The following NRG3 variants were observed in gnomAD, a reference collection of about 807,000 sequenced individuals.
NRG3 encodes pro-neuregulin-3, membrane-bound isoform.
A neutral mutation model predicts 66.9 loss-of-function variants in NRG3; 31 were observed. The observed-to-expected ratio is 0.46, with a 90% CI of 0.35 to 0.63. The LOEUF is 0.63. Among genes scored for constraint, NRG3 ranks in the 20% least tolerant of loss-of-function variants. NRG3 has a pLI of 0.00. For missense variants in NRG3, 910 were observed against 878.9 expected, an observed-to-expected ratio of 1.04 and a Z score of -0.45; for synonymous variants, 393 against 359.4, an observed-to-expected ratio of 1.09 and a Z score of -1.06.
At chr10:82,938,978 C>T (rs1479611240) in intron 4 of NRG3, among the ~76,000 whole-genome samples, 1 of 152,144 alleles carries the variant, frequency 6.6e-6, no homozygotes, top group African/African-American at 2.4e-5. Context: ...AACTCGGACA[C>T]CACAGACTGG....
intron 4 of NRG3, 82 bp downstream of exon 4, chr10:82,865,519 G>A (rs1840628654): frequency 7.2e-7 from 1 of 1,381,560 alleles, no homozygotes; most frequent in South Asian, 1.3e-5. Context: ...TCTCCATCTG[G>A]TTATAATTGA....
intron 2 of NRG3, among the ~76,000 whole-genome samples, chr10:82,453,950 T>C (rs1166875881): frequency 6.6e-6 from 1 of 152,104 alleles, no homozygotes; most frequent in East Asian, 1.9e-4. Context: ...AGTTCCACAG[T>C]GAGATAGTCA....
At chr10:82,377,457 T>TGTGTGTGTGC (rs57900993) in intron 2 of NRG3, among the ~76,000 whole-genome samples, 292 of 150,448 alleles carry the variant, frequency 1.9e-3, no homozygotes, top group African/African-American at 6.7e-3. Flanking sequence ...TGTGTGTGTG[T>TGTGTGTGTGC]GCGCGAGCGC....
chr10:82,907,573 T>G (rs1844870910), intron 4 of NRG3, among the ~76,000 whole-genome samples: 1 of 152,214 alleles, frequency 6.6e-6, no homozygotes, highest in South Asian at 2.1e-4. Context: ...AATGGACTGT[T>G]TCTTAAACCA....
At chr10:82,381,154 T>G (rs1039238081) in intron 2 of NRG3, among the ~76,000 whole-genome samples, 26 of 152,116 alleles carry the variant, frequency 1.7e-4, no homozygotes, top group African/African-American at 6.0e-4. Context: ...GTTGGTGTTT[T>G]GGGGGAAGGA....
chr10:82,229,420 CAAGGAAATAG>C (rs1452320856), intron 1 of NRG3, among the ~76,000 whole-genome samples: 1 of 151,908 alleles, frequency 6.6e-6, no homozygotes, highest in Non-Finnish European at 1.5e-5. Flanking sequence ...AGAAATATAG[CAAGGAAATAG>C]AAGGAAATGA....
chr10:82,963,783 G>A (rs1457721720), intron 6 of NRG3, among the ~76,000 whole-genome samples: 1 of 152,202 alleles, frequency 6.6e-6, no homozygotes, highest in Non-Finnish European at 1.5e-5. Context: ...AATAAGTGAT[G>A]AGGCAGTTAG....
At chr10:82,537,795 C>A (rs1026350830) in intron 2 of NRG3, among the ~76,000 whole-genome samples, 3 of 152,074 alleles carry the variant, frequency 2.0e-5, no homozygotes, top group Admixed American at 2.0e-4. Context: ...ACCACTTGAC[C>A]TCAGTTTCTG....
At chr10:82,026,934 G>A (rs1449195285) in intron 1 of NRG3, among the ~76,000 whole-genome samples, 1 of 151,878 alleles carries the variant, frequency 6.6e-6, no homozygotes, top group African/African-American at 2.4e-5. Context: ...TTTTATATAT[G>A]TTTGCTTGCC....
intron 3 of NRG3, among the ~76,000 whole-genome samples, chr10:82,829,339 T>G (rs1353806097): frequency 6.6e-6 from 1 of 152,208 alleles, no homozygotes; most frequent in East Asian, 1.9e-4. Flanking sequence ...TGAACTCCTT[T>G]GAATCACCAC....
intron 8 of NRG3, among the ~76,000 whole-genome samples, chr10:82,984,395 GA>G (rs1302799831): frequency 1.3e-5 from 2 of 152,318 alleles, no homozygotes; most frequent in Non-Finnish European, 2.9e-5. Flanking sequence ...TGTAAGGAAA[GA>G]TGCTAGATGG....
intron 4 of NRG3, among the ~76,000 whole-genome samples, chr10:82,945,335 C>A (rs1483443948): frequency 2.6e-5 from 4 of 152,154 alleles, no homozygotes; most frequent in Non-Finnish European, 5.9e-5. Flanking sequence ...CACCATTTTC[C>A]TTATGGTTCT....
At chr10:82,276,019 A>C (rs922281074) in intron 1 of NRG3, among the ~76,000 whole-genome samples, 2 of 152,092 alleles carry the variant, frequency 1.3e-5, no homozygotes, top group Non-Finnish European at 2.9e-5. Context: ...TCAAAAGTTG[A>C]ACATACTCAT....
intron 3 of NRG3, among the ~76,000 whole-genome samples, chr10:82,855,641 G>T (rs528358): frequency 0.34 from 51,701 of 151,770 alleles, 9,129 homozygotes; most frequent in African/African-American, 0.45. Flanking sequence ...CAAGTGATTC[G>T]CCTGCCTCAG....
intron 2 of NRG3, among the ~76,000 whole-genome samples, chr10:82,446,123 G>A (rs562907378): frequency 2.2e-4 from 34 of 152,248 alleles, no homozygotes; most frequent in African/African-American, 7.5e-4. Context: ...GAATATCCAA[G>A]GAAACTCCCT....
intron 2 of NRG3, among the ~76,000 whole-genome samples, chr10:82,544,313 T>C (rs2043746212): frequency 6.6e-6 from 1 of 152,066 alleles, no homozygotes; most frequent in Non-Finnish European, 1.5e-5. Context: ...ACTTGTTTTT[T>C]TGTTGTTGTT....
intron 2 of NRG3, among the ~76,000 whole-genome samples, chr10:82,469,657 C>T (rs546923785): frequency 1.1e-4 from 17 of 152,272 alleles, no homozygotes; most frequent in African/African-American, 3.6e-4. Flanking sequence ...CTCTGAGTAC[C>T]TAGGAGCCAA....
At chr10:81,944,699 A>C (rs1282872336) in intron 1 of NRG3, among the ~76,000 whole-genome samples, 1 of 152,154 alleles carries the variant, frequency 6.6e-6, no homozygotes, top group African/African-American at 2.4e-5. Context: ...CTGAAAAACA[A>C]GGCTGATCTT....
At chr10:82,198,366 T>G (rs1209704125) in intron 1 of NRG3, among the ~76,000 whole-genome samples, 1 of 152,184 alleles carries the variant, frequency 6.6e-6, no homozygotes, top group African/African-American at 2.4e-5. Context: ...TAAAAGATGG[T>G]TTAAAACAAG....
Sources: gnomAD v4.1 joint callset for allele counts (sites outside exome capture counted in the v4.1 genomes callset) on GRCh38, gnomAD v4.1.1 for gene constraint, MANE v1.5 for transcripts, NCBI Gene and HGNC (gene_info 2026-07-23, HGNC 2026-07-21) for gene names.